WDR72: variants seen among roughly 807,000 people sequenced by gnomAD.
WDR72 encodes the protein WD repeat-containing protein 72.
A neutral mutation model predicts 124.2 loss-of-function variants in WDR72; 120 were observed. That is an observed-to-expected ratio of 0.97 (90% CI 0.83 to 1.12). The LOEUF is 1.12. WDR72 is among the 50% of genes most tolerant of loss of function. The pLI, the probability that WDR72 is intolerant of heterozygous loss-of-function variation, is 0.00. For synonymous variants in WDR72, 452 were observed against 441.7 expected (o/e 1.02, Z -0.29); for missense variants, 1,387 against 1,278.8 (o/e 1.08, Z -1.29).
In WDR72 at chr15:53,592,369, G is replaced by T. The variant is rs189731132; in HGVS notation, c.3148+4710C>A. Among the ~76,000 whole-genome samples the T allele has an allele frequency of 1.3e-4, 20 of 152,092 alleles. No homozygotes were observed. In the East Asian group the frequency reaches 3.9e-3, roughly 30 times the overall value. ...AGTCAGGGAAGAGTTTCCCTGTAGG[G>T]TAGTCACAAAGCCTTTCCACAAGTA... On this transcript the variant is annotated intron_variant, in intron 18 of 19. Transcript: ENST00000360509.
At chr15:53,535,299 T>G (rs991889053) in intron 18 of WDR72, among the ~76,000 whole-genome samples, 3 of 152,172 alleles carry the variant, frequency 2.0e-5, no homozygotes, top group Non-Finnish European at 4.4e-5. Context: ...ATTTCCTCAT[T>G]GTATTGCCAT....
chr15:53,641,865 A>C (rs1372626364), intron 14 of WDR72, among the ~76,000 whole-genome samples: 1 of 151,888 alleles, frequency 6.6e-6, no homozygotes, highest in Non-Finnish European at 1.5e-5. Flanking sequence ...TGATCTATTA[A>C]TATTTTATAT....
chr15:53,540,612 G>C lies in WDR72; in HGVS notation c.3149-17290C>G, dbSNP rs747765678. Reference sequence around the variant, plus strand: ...AAGAGGAAAGAAAGACAATGAATTAGAAAGCAGTAAAAAGAAGAACAGGAG... The same window carrying C: ...AAGAGGAAAGAAAGACAATGAATTACAAAGCAGTAAAAAGAAGAACAGGAG... On this transcript the variant is annotated intron_variant, in intron 18 of 19. Coordinates refer to ENST00000360509, the MANE Select transcript of WDR72 (RefSeq NM_182758.4). Among the ~76,000 whole-genome samples, 21 of 150,388 alleles carry C rather than the reference G, an allele frequency of 1.4e-4. 1 individual carries two copies. The highest frequency in any genetic ancestry group is 2.8e-4 in the Non-Finnish European group (19 of 67,560).
In WDR72 at chr15:53,665,728, A is replaced by G; in HGVS notation, c.1806T>C (p.Ile602=). 6.2e-7 allele frequency: 1 copy of G among 1,613,902 alleles called. No individual in the cohort carries two copies. The highest frequency in any genetic ancestry group is 8.5e-7 in the Non-Finnish European group (1 of 1,179,870). ...ERHETGERAR[I]ILNCCDDSQL... The stretch of plus-strand genomic sequence containing the variant: ...GTGAATCATCACAACAATTAAGAAT[A>G]ATTCGTGCTCTTTCTCCTGTCTCAT... Residue 602 remains isoleucine, a synonymous_variant, in exon 14 of 20, where the codon ATT becomes ATC. Coordinates refer to ENST00000360509, the MANE Select transcript of WDR72 (RefSeq NM_182758.4).
intron 13 of WDR72, among the ~76,000 whole-genome samples, chr15:53,690,227 A>G (rs2016794301): frequency 6.6e-6 from 1 of 151,966 alleles, no homozygotes; most frequent in Non-Finnish European, 1.5e-5. Flanking sequence ...AATAAAAGAA[A>G]AAAAACTTAA....
intron 14 of WDR72, among the ~76,000 whole-genome samples, chr15:53,646,107 T>A (rs1421797037): frequency 6.6e-6 from 1 of 152,182 alleles, no homozygotes; most frequent in Non-Finnish European, 1.5e-5. Context: ...CTGTAAATCA[T>A]AACCATATCT....
intron 9 of WDR72, among the ~76,000 whole-genome samples, chr15:53,709,327 G>A (rs1045816156): frequency 6.6e-6 from 1 of 152,106 alleles, no homozygotes; most frequent in Non-Finnish European, 1.5e-5. Context: ...AGGCTTTCTC[G>A]CTTTTAAGAT....
At chr15:53,701,567 A>T (rs868626443) in intron 12 of WDR72, among the ~76,000 whole-genome samples, 2,719 of 85,204 alleles carry the variant, frequency 0.032, 78 homozygotes, top group African/African-American at 0.093. Context: ...TCTCACACAC[A>T]CACACACACA....
intron 15 of WDR72, 115 bp from the exon 16 acceptor site, chr15:53,613,872 A>T (rs1320995596): frequency 2.9e-6 from 2 of 679,366 alleles, no homozygotes; most frequent in African/African-American, 3.6e-5. Flanking sequence ...TTGAATACAA[A>T]TTATTTTTAG....
At chr15:53,674,506 C>A (rs2016098268) in intron 13 of WDR72, among the ~76,000 whole-genome samples, 1 of 152,054 alleles carries the variant, frequency 6.6e-6, no homozygotes, top group South Asian at 2.1e-4. Flanking sequence ...GGGGTTCCCA[C>A]CACAAACAGG....
intron 18 of WDR72, among the ~76,000 whole-genome samples, chr15:53,590,977 C>G (rs962674390): frequency 6.6e-6 from 1 of 151,938 alleles, no homozygotes; most frequent in African/African-American, 2.4e-5. Context: ...TGCTAATGTC[C>G]AGGTTTCTCA....
At chr15:53,573,441 C>A (rs902811537) in intron 18 of WDR72, among the ~76,000 whole-genome samples, 3 of 152,002 alleles carry the variant, frequency 2.0e-5, no homozygotes, top group South Asian at 2.1e-4. Flanking sequence ...TTTTCTGATT[C>A]ATTTTGGTCA....
chr15:53,643,769 AAAT>A (rs2014941291), intron 14 of WDR72, among the ~76,000 whole-genome samples: 1 of 152,046 alleles, frequency 6.6e-6, no homozygotes, highest in Admixed American at 6.6e-5. Flanking sequence ...AAGAGAAAGA[AAAT>A]AACACACTTT....
intron 14 of WDR72, among the ~76,000 whole-genome samples, chr15:53,643,866 C>T (rs912051057): frequency 6.6e-6 from 1 of 152,024 alleles, no homozygotes; most frequent in African/African-American, 2.4e-5. Context: ...CATAGAATCA[C>T]AATATCATCT....
chr15:53,675,238 C>A (rs1024832912), intron 13 of WDR72, among the ~76,000 whole-genome samples: 19 of 151,010 alleles, frequency 1.3e-4, no homozygotes, highest in Non-Finnish European at 2.1e-4. Context: ...AGCTACTTGG[C>A]AAGCTGAGGC....
chr15:53,596,387 C>T (rs941565017), intron 18 of WDR72, among the ~76,000 whole-genome samples: 1 of 152,044 alleles, frequency 6.6e-6, no homozygotes, highest in African/African-American at 2.4e-5. Context: ...TTTAGACTCA[C>T]TTGTTGGCCC....
chr15:53,524,946 C>T (rs1462632344), intron 18 of WDR72, among the ~76,000 whole-genome samples: 1 of 151,984 alleles, frequency 6.6e-6, no homozygotes, highest in Non-Finnish European at 1.5e-5. Flanking sequence ...TCCTTCTGAT[C>T]CAAGAGGATA....
chr15:53,520,422 A>G (rs1891727042), intron 19 of WDR72, among the ~76,000 whole-genome samples: 1 of 152,080 alleles, frequency 6.6e-6, no homozygotes, highest in East Asian at 1.9e-4. Flanking sequence ...TAAAAATGTT[A>G]AAAGGAATTT....
chr15:53,666,972 A>G (rs2015800651), intron 13 of WDR72, among the ~76,000 whole-genome samples: 1 of 152,228 alleles, frequency 6.6e-6, no homozygotes, highest in South Asian at 2.1e-4. Context: ...TACTTTTATT[A>G]TAACATTTCT....
Sources: gnomAD v4.1 joint callset for allele counts (sites outside exome capture counted in the v4.1 genomes callset) on GRCh38, gnomAD v4.1.1 for gene constraint, MANE v1.5 for transcripts, NCBI Gene and HGNC (gene_info 2026-07-23, HGNC 2026-07-21) for gene names.